Variants in AGO1 observed in about 807,000 individuals in gnomAD.
AGO1 encodes the protein protein argonaute-1.
A neutral mutation model predicts 109.2 loss-of-function variants in AGO1; 11 were observed. The observed-to-expected ratio is 0.10, with a 90% CI of 0.06 to 0.17. The LOEUF (loss-of-function observed/expected upper bound fraction) is 0.17. AGO1 is among the 10% of genes least tolerant of loss of function. The probability of loss-of-function intolerance (pLI) is 1.00; values close to 1 mark genes in which losing one functional copy is unlikely to be tolerated. For synonymous variants in AGO1, 422 were observed against 418.6 expected, an observed-to-expected ratio of 1.01 and a Z score of -0.10; for missense variants, 574 against 1,140.3, an observed-to-expected ratio of 0.50 and a Z score of 7.15.
chr1:35,914,689 T>G (rs78231296), intron 14 of AGO1, among the ~76,000 whole-genome samples: 4,027 of 152,362 alleles, frequency 0.026, 79 homozygotes, highest in South Asian at 0.053. Context: ...ATCTCTCTCC[T>G]GACTTTTCTG....
intron 12 of AGO1, among the ~76,000 whole-genome samples, chr1:35,908,378 T>C (rs193079800): frequency 6.6e-6 from 1 of 152,364 alleles, no homozygotes; most frequent in Admixed American, 6.5e-5. Flanking sequence ...TTACATTTTA[T>C]TAAAATTCCC....
chr1:35,894,111 G>C lies in AGO1; in HGVS notation c.724G>C (p.Asp242His). ...TGAGGTGCTGGACATCAGGAACATAGATGAGCAGCCCAAGCCCCTCACGGA... is the reference window on the plus strand; with the variant it reads ...TGAGGTGCTGGACATCAGGAACATACATGAGCAGCCCAAGCCCCTCACGGA... Reference protein sequence around the residue: ...MCEVLDIRNIDEQPKPLTDSQ... With the variant: ...MCEVLDIRNIHEQPKPLTDSQ... The change falls in exon 6 of 19, where the codon GAT becomes CAT. Residue 242 changes from aspartate to histidine, a missense_variant. By Grantham distance (81) the Asp-to-His change is moderately conservative. Coordinates refer to ENST00000373204, the MANE Select transcript of AGO1 (RefSeq NM_012199.5). 1 of 1,591,408 alleles carries C rather than the reference G, an allele frequency of 6.3e-7. No individual in the cohort carries two copies. Among genetic ancestry groups the C allele is most frequent in the Middle Eastern group, 1.7e-4 (1 of 5,924 alleles).
chr1:35,918,966 C>T (rs1645784280), intron 17 of AGO1, 89 bp from the exon 18 acceptor site: 2 of 1,204,580 alleles, frequency 1.7e-6, no homozygotes, highest in Non-Finnish European at 2.4e-6. Context: ...ATTATCTACC[C>T]AGCCATATTC....
intron 17 of AGO1, 120 bp from the exon 18 acceptor site, chr1:35,918,935 C>A: frequency 1.1e-6 from 1 of 880,228 alleles, no homozygotes; most frequent in South Asian, 1.6e-5. Flanking sequence ...GGTAGTTTTG[C>A]ATCTGCCTGT....
rs922346450 is a variant in AGO1, at chr1:35,926,295, G to A, written c.*6688G>A. 1 of 152,168 alleles carries A rather than the reference G, an allele frequency of 6.6e-6. No individual in the cohort carries two copies. The highest frequency in any genetic ancestry group is 2.4e-5 in the African/African-American group (1 of 41,436). 9.4% of individuals were successfully genotyped at this position (152,168 alleles called of 1,614,324 possible). ...TGGGAGCCTGCATTGTTTGGTCCTG[G>A]AGCTCAAGGTTTTCAGTGAAGGCTT... On this transcript the variant is annotated 3_prime_UTR_variant, in exon 19 of 19. Transcript: ENST00000373204.
At position 35,917,725 on chromosome 1, in the gene AGO1, CGAGT is replaced by C; in HGVS notation, c.2163+6_2163+9del. 6.2e-7 allele frequency: 1 copy of C among 1,612,394 alleles called. No individual in the cohort carries two copies. Among genetic ancestry groups the C allele is most frequent in the Non-Finnish European group, 8.5e-7 (1 of 1,178,712 alleles). On this transcript the variant is annotated splice_donor_variant and coding_sequence_variant, in exon 16 of 19. Transcript: ENST00000373204. LOFTEE classifies it high-confidence loss of function. ...CCTTTTCTGTGCTGACAAGAATGAG[CGAGT>C]GAGTGAGGGACTGAGGCCTCCCATC...
rs1415042054 is a variant in AGO1, at chr1:35,926,485, C to G, written c.*6878C>G. On this transcript the variant is annotated 3_prime_UTR_variant, in exon 19 of 19. Coordinates refer to ENST00000373204, the MANE Select transcript of AGO1 (RefSeq NM_012199.5). ...CTCTTGGTGTAGCAGACCCCAGAAT[C>G]TCATGGCAATTAGGATTTGGTGGCT... 1.3e-5 allele frequency: 2 copies of G among 152,140 alleles called. No homozygotes were observed. The highest frequency in any genetic ancestry group is 2.9e-5 in the Non-Finnish European group (2 of 68,038). 9.4% of individuals were successfully genotyped at this position (152,140 alleles called of 1,614,324 possible). A position where few individuals can be genotyped will look rare whatever the true frequency, so the allele number is the denominator to read the frequency against.
At position 35,929,103 on chromosome 1, in the gene AGO1, A is replaced by G. The variant is rs1001619664; in HGVS notation, c.*9496A>G. ...GCAATGACAGTTAAGATAATACCCA[A>G]TGACCCTGCTCTGTACCCTTAAGAG... On this transcript the variant is annotated 3_prime_UTR_variant, in exon 19 of 19. Transcript: ENST00000373204. 9 of 152,260 alleles carry G rather than the reference A, an allele frequency of 5.9e-5. No homozygotes were observed. Among genetic ancestry groups the G allele is most frequent in the Admixed American group, 2.0e-4 (3 of 15,288 alleles). 9.4% of individuals were successfully genotyped at this position (152,260 alleles called of 1,614,324 possible). A position where few individuals can be genotyped will look rare whatever the true frequency, so the allele number is the denominator to read the frequency against.
intron 2 of AGO1, among the ~76,000 whole-genome samples, chr1:35,892,147 AG>A (rs1645231967): frequency 6.6e-6 from 1 of 152,164 alleles, no homozygotes; most frequent in Admixed American, 6.5e-5. Flanking sequence ...TGGCTGCCCA[AG>A]TACTGGGATT....
At position 35,883,391 on chromosome 1, in the gene AGO1, G is replaced by A. The variant is rs1645062143; in HGVS notation, c.-31G>A. ...CCTCACGCTGGACTTCACAGTCTCC[G>A]GGCCGCCTGACCTCCGCACGGGTAT... On this transcript the variant is annotated 5_prime_UTR_variant, in exon 1 of 19. Transcript: ENST00000373204. The surrounding 1 kb of genome is among the most constrained non-coding windows in gnomAD (Gnocchi z 5.4). The A allele has an allele frequency of 2.5e-6, 4 of 1,581,066 alleles. No homozygotes were observed. The highest frequency in any genetic ancestry group is 1.8e-4 in the Middle Eastern group (1 of 5,700).
intron 11 of AGO1, among the ~76,000 whole-genome samples, chr1:35,906,357 G>A (rs558913519): frequency 3.3e-5 from 5 of 152,170 alleles, no homozygotes; most frequent in Admixed American, 6.5e-5. Flanking sequence ...CTGCTTGAGC[G>A]GGGCAAGGTG....
In AGO1 at chr1:35,894,417, G is replaced by A. The variant is rs1351103033; in HGVS notation, c.872+15G>A. 6.2e-7 allele frequency: 1 copy of A among 1,613,188 alleles called. No individual in the cohort carries two copies. Among genetic ancestry groups the A allele is most frequent in the African/African-American group, 1.3e-5 (1 of 75,002 alleles). On this transcript the variant is annotated intron_variant, in intron 7 of 18. Coordinates refer to ENST00000373204, the MANE Select transcript of AGO1 (RefSeq NM_012199.5). The stretch of plus-strand genomic sequence containing the variant: ...AGCCATCAGACGTAAGTTGGCAGGG[G>A]TGCTGAGTCATACTTTGTTGGTGGA...
At chr1:35,913,709 A>G (rs865852264) in intron 12 of AGO1, 133 bp from the exon 13 acceptor site, 1 of 822,386 alleles carries the variant, frequency 1.2e-6, no homozygotes. Flanking sequence ...TTTAGTAAGC[A>G]CTTTGAGAGT....
chr1:35,880,454 C>T (rs150527497), upstream of AGO1, among the ~76,000 whole-genome samples: 2 of 152,170 alleles, frequency 1.3e-5, no homozygotes, highest in East Asian at 1.9e-4. Context: ...CTCAGCAACT[C>T]GGGAGACTGA....
At chr1:35,898,241 A>G (rs1645352961) in intron 8 of AGO1, among the ~76,000 whole-genome samples, 1 of 152,026 alleles carries the variant, frequency 6.6e-6, no homozygotes, top group Non-Finnish European at 1.5e-5. Context: ...GTGATATAAT[A>G]TATAACAATG....
intron 1 of AGO1, among the ~76,000 whole-genome samples, chr1:35,887,061 T>G (rs1645132789): frequency 2.6e-5 from 4 of 152,172 alleles, no homozygotes; most frequent in Admixed American, 2.0e-4. Flanking sequence ...GTAGATAGGT[T>G]TTCCCTTCCC....
In AGO1 at chr1:35,888,457, A is replaced by T. The variant is rs1022788713; in HGVS notation, c.56A>T (p.Gln19Leu). 6.2e-7 allele frequency: 1 copy of T among 1,614,094 alleles called. No individual in the cohort carries two copies. Among genetic ancestry groups the T allele is most frequent in the Non-Finnish European group, 8.5e-7 (1 of 1,180,032 alleles). ...AAGAYLPPLQ[Q>L]VFQAPRRPGI... ...GGCGCTTACCTGCCCCCCCTGCAGC[A>T]GGTGTTCCAGGCACCTCGCCGGCCT... The change falls in exon 2 of 19, where the codon CAG (glutamine) becomes CTG (leucine). Residue 19 changes from glutamine to leucine, a missense_variant. Physicochemically the swap from Gln to Leu is moderately radical, Grantham distance 113. Transcript: ENST00000373204. The surrounding 1 kb of genome is among the most constrained non-coding windows in gnomAD (Gnocchi z 4.1).
rs1571348395 is a variant in AGO1, at chr1:35,893,466, A to G, written c.512+188A>G. On this transcript the variant is annotated intron_variant, in intron 4 of 18. Transcript: ENST00000373204. The surrounding 1 kb of genome is among the most constrained non-coding windows in gnomAD (Gnocchi z 5.6). Reference sequence around the variant, plus strand: ...AAAGCCCTGGCCCTGAACTTCTTAGATATCTTTGGGCCTCATCCCATCTGT... The same window carrying G: ...AAAGCCCTGGCCCTGAACTTCTTAGGTATCTTTGGGCCTCATCCCATCTGT... 2 of 810,654 alleles carry G rather than the reference A, an allele frequency of 2.5e-6. No homozygotes were observed. The highest frequency in any genetic ancestry group is 3.8e-6 in the Non-Finnish European group (2 of 530,806). The allele number at this position is 810,654 out of a possible 1,614,324, so 50.2% of individuals were successfully genotyped here.
Position 35,888,735 on chromosome 1 carries a change from G to A in AGO1, c.209+125G>A. 1 of 1,045,400 alleles carries A rather than the reference G, an allele frequency of 9.6e-7. No homozygotes were observed. Among genetic ancestry groups the A allele is most frequent in the Non-Finnish European group, 1.4e-6 (1 of 732,482 alleles). The allele number at this position is 1,045,400 out of a possible 1,614,324, so 64.8% of individuals were successfully genotyped here. On this transcript the variant is annotated intron_variant, in intron 2 of 18. Coordinates refer to ENST00000373204, the MANE Select transcript of AGO1 (RefSeq NM_012199.5). This position sits in a 1 kb window ranked among gnomAD's most constrained non-coding sequence, Gnocchi z 4.1. ...AATCTAAGGAAGTTTTTGAACGGGA[G>A]ATGCCACGTCGGGTAAATGCTGAAA...
Sources: allele counts gnomAD v4.1 joint callset (sites outside exome capture counted in the v4.1 genomes callset), GRCh38; gene constraint gnomAD v4.1.1; non-coding constraint Gnocchi (gnomAD v3.1); transcripts MANE v1.5; gene names NCBI Gene and HGNC (gene_info 2026-07-23, HGNC 2026-07-21).